Variants in KCNMB2 observed in about 807,000 individuals in gnomAD.
KCNMB2 encodes potassium calcium-activated channel subfamily M regulatory beta subunit 2, also known as calcium-activated potassium channel subunit beta-2.
KCNMB2 carries 9 observed loss-of-function variants against 24.5 expected under a neutral mutation model. The ratio of observed to expected loss-of-function variants is 0.37; its 90% CI spans 0.22 to 0.64. The LOEUF (loss-of-function observed/expected upper bound fraction) is 0.64. Ranked by LOEUF, KCNMB2 falls within the 30% of genes least tolerant of loss-of-function variation. The pLI is 0.63. For synonymous variants in KCNMB2, 109 were observed against 104.4 expected, an observed-to-expected ratio of 1.04 and a Z score of -0.27; for missense variants, 226 against 284.3, an observed-to-expected ratio of 0.79 and a Z score of 1.47.
At chr3:178,793,045 G>A (rs547167535) in intron 1 of KCNMB2, among the ~76,000 whole-genome samples, 5 of 152,258 alleles carry the variant, frequency 3.3e-5, no homozygotes, top group South Asian at 4.1e-4. Context: ...AAGCTACATC[G>A]ACAGTGCCCA....
chr3:178,576,489 CA>C (rs1161377308), intron 1 of KCNMB2, among the ~76,000 whole-genome samples: 2 of 152,200 alleles, frequency 1.3e-5, no homozygotes, highest in East Asian at 3.9e-4. Context: ...ACCAGCAAGA[CA>C]AAACTGTTCA....
At chr3:178,809,031 C>T (rs1265998400) in intron 2 of KCNMB2, among the ~76,000 whole-genome samples, 1 of 152,222 alleles carries the variant, frequency 6.6e-6, no homozygotes. Context: ...TAGGTTTTCA[C>T]TGCTTTTTCT....
chr3:178,660,002 C>T (rs1461403042), intron 1 of KCNMB2, among the ~76,000 whole-genome samples: 2 of 152,130 alleles, frequency 1.3e-5, no homozygotes, highest in African/African-American at 4.8e-5. Flanking sequence ...TCCCAATAGG[C>T]CTAAGATGAG....
At chr3:178,581,466 T>A (rs1222160353) in intron 1 of KCNMB2, among the ~76,000 whole-genome samples, 4 of 152,198 alleles carry the variant, frequency 2.6e-5, no homozygotes, top group African/African-American at 9.7e-5. Flanking sequence ...GGCAAAGTCT[T>A]CGTGACTAAA....
intron 1 of KCNMB2, among the ~76,000 whole-genome samples, chr3:178,647,491 A>G (rs1486359677): frequency 1.3e-5 from 2 of 152,242 alleles, no homozygotes; most frequent in African/African-American, 4.8e-5. Flanking sequence ...AACCTGAGTT[A>G]AAATCCTAAG....
intron 1 of KCNMB2, among the ~76,000 whole-genome samples, chr3:178,733,411 T>C (rs1037485693): frequency 2.0e-5 from 3 of 152,174 alleles, no homozygotes; most frequent in African/African-American, 7.2e-5. Flanking sequence ...TTACTCTGGA[T>C]TGAATAGGCA....
Position 178,832,393 on chromosome 3 carries a change from T to G in KCNMB2, c.423+4020T>G, listed in dbSNP as rs1715088864. Among the ~76,000 whole-genome samples, 2 of 83,230 alleles carry G rather than the reference T, an allele frequency of 2.4e-5. 1 individual carries two copies. Among genetic ancestry groups the G allele is most frequent in the Non-Finnish European group, 4.5e-5 (2 of 44,220 alleles). The allele number at this position is 83,230 out of a possible 152,430, so 54.6% of individuals were successfully genotyped here. ...GTTTTTCTACAGTTTAACTATTATGTGCCAATACATGCAATTATTTTTATT... is the reference window on the plus strand; with the variant it reads ...GTTTTTCTACAGTTTAACTATTATGGGCCAATACATGCAATTATTTTTATT... On this transcript the variant is annotated intron_variant, in intron 4 of 4. Transcript: ENST00000452583.
In KCNMB2 at chr3:178,807,419, T is replaced by C. The variant is rs769159387; in HGVS notation, c.10T>C (p.Trp4Arg). 101 of 1,613,666 alleles carry C rather than the reference T, an allele frequency of 6.3e-5. 1 individual carries two copies. The highest frequency in any genetic ancestry group is 4.3e-4 in the Admixed American group (26 of 59,994). MFIWTSGRTSSSYR... is the reference protein window; with the variant it reads MFIRTSGRTSSSYR... ...ACCAACATTCTCTAAGATGTTTATA[T>C]GGACCAGTGGCCGGACCTCTTCATC... Residue 4 changes from tryptophan (W) to arginine (R), a missense_variant, in exon 2 of 5, where the codon TGG (tryptophan) becomes CGG (arginine). Coordinates refer to ENST00000452583, the MANE Select transcript of KCNMB2 (RefSeq NM_181361.3).
intron 1 of KCNMB2, among the ~76,000 whole-genome samples, chr3:178,547,470 G>C (rs1342196104): frequency 1.3e-5 from 2 of 152,158 alleles, no homozygotes; most frequent in East Asian, 1.9e-4. Flanking sequence ...CACTGGAAAA[G>C]GACTACAGTT....
intron 1 of KCNMB2, among the ~76,000 whole-genome samples, chr3:178,677,087 C>A (rs1466438459): frequency 6.6e-6 from 1 of 152,150 alleles, no homozygotes; most frequent in Admixed American, 6.5e-5. Context: ...GCAATTGAAG[C>A]AAAGTCTTCT....
chr3:178,645,736 G>C lies in KCNMB2; in HGVS notation c.-68+109025G>C, dbSNP rs113611622. Among the ~76,000 whole-genome samples the C allele has an allele frequency of 5.4e-4, 82 of 152,276 alleles. 1 individual carries two copies. The highest frequency in any genetic ancestry group is 1.9e-3 in the African/African-American group (80 of 41,566). ...CCTGAGAAAGCCCTCAGGCAAGACAGACCAGTGCTCACAGCAGGCAGTTGG... is the reference window on the plus strand; with the variant it reads ...CCTGAGAAAGCCCTCAGGCAAGACACACCAGTGCTCACAGCAGGCAGTTGG... On this transcript the variant is annotated intron_variant, in intron 1 of 4. Coordinates refer to ENST00000452583, the MANE Select transcript of KCNMB2 (RefSeq NM_181361.3).
At chr3:178,762,580 G>T (rs1377454141) in intron 1 of KCNMB2, among the ~76,000 whole-genome samples, 1 of 151,990 alleles carries the variant, frequency 6.6e-6, no homozygotes, top group Non-Finnish European at 1.5e-5. Context: ...GGTGTAGAAT[G>T]TAAGGGAACA....
At chr3:178,797,436 C>T (rs1258214467) in intron 1 of KCNMB2, among the ~76,000 whole-genome samples, 3 of 152,100 alleles carry the variant, frequency 2.0e-5, no homozygotes, top group Non-Finnish European at 2.9e-5. Context: ...AAAAAGAAAA[C>T]TACAGGCCAA....
chr3:178,649,538 C>T (rs1368916584), intron 1 of KCNMB2, among the ~76,000 whole-genome samples: 3 of 151,720 alleles, frequency 2.0e-5, no homozygotes, highest in Non-Finnish European at 4.4e-5. Flanking sequence ...ATTACTGCCT[C>T]AATTTTAGAA....
intron 1 of KCNMB2, among the ~76,000 whole-genome samples, chr3:178,645,144 G>A (rs755180215): frequency 7.4e-5 from 11 of 148,188 alleles, no homozygotes; most frequent in Non-Finnish European, 1.0e-4. Flanking sequence ...TCTGCCACCC[G>A]GGTTCAAGCG....
intron 1 of KCNMB2, among the ~76,000 whole-genome samples, chr3:178,583,784 A>G (rs1016446239): frequency 2.0e-5 from 3 of 152,202 alleles, no homozygotes; most frequent in Non-Finnish European, 4.4e-5. Context: ...GTACTCAGAA[A>G]TGCTAAGGTC....
At chr3:178,681,082 C>T (rs1721255746) in intron 1 of KCNMB2, among the ~76,000 whole-genome samples, 1 of 152,086 alleles carries the variant, frequency 6.6e-6, no homozygotes, top group African/African-American at 2.4e-5. Context: ...AGCTTAGCTG[C>T]CTATTAAAAT....
chr3:178,736,026 C>G (rs1441892340), intron 1 of KCNMB2, among the ~76,000 whole-genome samples: 1 of 152,102 alleles, frequency 6.6e-6, no homozygotes, highest in Non-Finnish European at 1.5e-5. Flanking sequence ...TTTCACACAT[C>G]TTTTTTAATA....
intron 1 of KCNMB2, among the ~76,000 whole-genome samples, chr3:178,798,480 C>T (rs930424564): frequency 1.3e-5 from 2 of 152,040 alleles, no homozygotes; most frequent in Admixed American, 1.3e-4. Context: ...AACCCAAATG[C>T]CCATCAATGA....
Sources: gnomAD v4.1 joint callset for allele counts (sites outside exome capture counted in the v4.1 genomes callset) on GRCh38, gnomAD v4.1.1 for gene constraint, MANE v1.5 for transcripts, NCBI Gene and HGNC (gene_info 2026-07-23, HGNC 2026-07-21) for gene names.